Variants in CCSER2 observed in about 807,000 individuals in gnomAD.
The protein encoded by CCSER2 is serine-rich coiled-coil domain-containing protein 2.
In CCSER2, 46 loss-of-function variants were observed where a neutral mutation model predicts 92.3. That is an observed-to-expected ratio of 0.50 (90% confidence interval 0.39 to 0.64). The LOEUF (loss-of-function observed/expected upper bound fraction) is 0.64, where lower values mean the gene tolerates loss of function less well. CCSER2 is among the 30% of genes least tolerant of loss of function. CCSER2 has a pLI of 0.00. For missense variants in CCSER2, 1,244 were observed against 1,238.9 expected, an observed-to-expected ratio of 1.00 and a Z score of -0.06; for synonymous variants, 433 against 431.4, an observed-to-expected ratio of 1.00 and a Z score of -0.04.
intron 8 of CCSER2, 115 bp from the exon 9 acceptor site, chr10:84,477,460 A>G (rs965617238): frequency 5.8e-6 from 3 of 513,014 alleles, no homozygotes; most frequent in Non-Finnish European, 1.0e-5. Context: ...TTTATAGGTA[A>G]TTTAGTTTTG....
chr10:84,449,435 A>G (rs1166054205), intron 6 of CCSER2, among the ~76,000 whole-genome samples: 1 of 152,172 alleles, frequency 6.6e-6, no homozygotes, highest in Non-Finnish European at 1.5e-5. Flanking sequence ...AAATTTTCCT[A>G]CTTGTACGAT....
chr10:84,466,705 G>C (rs1435312431), intron 7 of CCSER2, among the ~76,000 whole-genome samples: 3 of 151,568 alleles, frequency 2.0e-5, no homozygotes, highest in Non-Finnish European at 4.4e-5. Context: ...AGTAGGGACG[G>C]GGTTTCACCG....
At chr10:84,466,506 T>C (rs1403536909) in intron 7 of CCSER2, among the ~76,000 whole-genome samples, 1 of 149,422 alleles carries the variant, frequency 6.7e-6, no homozygotes, top group East Asian at 1.9e-4. Flanking sequence ...TTTGTTTTTT[T>C]GGTTTTTTTT....
In CCSER2 at chr10:84,423,210, C is replaced by T. The variant is rs185745554; in HGVS notation, c.1706-2521C>T. On this transcript the variant is annotated intron_variant, in intron 4 of 9. Coordinates refer to ENST00000372088, the MANE Select transcript of CCSER2 (RefSeq NM_001284240.2). ...CAGCAGTGTTATTCCACATTATCTT[C>T]TTAACAGCGTTTAAAAATATATAAA... Among the ~76,000 whole-genome samples, 16 of 152,292 alleles carry T rather than the reference C, an allele frequency of 1.1e-4. No homozygotes were observed. The East Asian group carries it at 3.1e-3, about 29-fold the overall frequency.
intron 9 of CCSER2, among the ~76,000 whole-genome samples, chr10:84,484,303 G>A (rs1564712098): frequency 6.6e-6 from 1 of 151,636 alleles, no homozygotes; most frequent in Non-Finnish European, 1.5e-5. Flanking sequence ...AGTAGAGATG[G>A]GGTTTCACCA....
chr10:84,430,099 C>A (rs889315885), intron 5 of CCSER2, among the ~76,000 whole-genome samples: 3 of 152,164 alleles, frequency 2.0e-5, no homozygotes, highest in Middle Eastern at 6.8e-3. Context: ...AGTCTCCCAG[C>A]CTCCACCAGG....
chr10:84,336,385 C>T (rs979627566), intron 1 of CCSER2, among the ~76,000 whole-genome samples: 1 of 152,130 alleles, frequency 6.6e-6, no homozygotes, highest in African/African-American at 2.4e-5. Flanking sequence ...TATTACATTG[C>T]TGTGGAGAAA....
At position 84,465,715 on chromosome 10, in the gene CCSER2, A is replaced by G. The variant is rs184845014; in HGVS notation, c.2148+1699A>G. ...CTTTTCCAGTGTTCCTTTCTAGTTCATCTAAATATTTAATGCTATATGATA... is the reference window on the plus strand; with the variant it reads ...CTTTTCCAGTGTTCCTTTCTAGTTCGTCTAAATATTTAATGCTATATGATA... On this transcript the variant is annotated intron_variant, in intron 7 of 9. Transcript: ENST00000372088. Among the ~76,000 whole-genome samples the G allele has an allele frequency of 9.9e-4, 150 of 152,064 alleles. 1 individual carries two copies. The East Asian group carries it at 0.021, about 21-fold the overall frequency.
chr10:84,378,496 G>A (rs191083056), intron 3 of CCSER2, among the ~76,000 whole-genome samples: 13 of 148,564 alleles, frequency 8.8e-5, no homozygotes, highest in African/African-American at 2.7e-4. Context: ...GTGCGATGGC[G>A]CAATCTTGGC....
intron 4 of CCSER2, among the ~76,000 whole-genome samples, chr10:84,418,376 G>A (rs913112429): frequency 1.3e-5 from 2 of 152,148 alleles, no homozygotes; most frequent in Non-Finnish European, 2.9e-5. Context: ...TAATCCATAT[G>A]GGAGAGGGGC....
chr10:84,515,342 C>T lies in CCSER2; in HGVS notation c.*1075C>T, dbSNP rs1564742817. 6.6e-6 allele frequency: 1 copy of T among 152,486 alleles called. No homozygotes were observed. Among genetic ancestry groups the T allele is most frequent in the Non-Finnish European group, 1.5e-5 (1 of 68,000 alleles). The allele number at this position is 152,486 out of a possible 1,614,324, so 9.4% of individuals were successfully genotyped here. On this transcript the variant is annotated 3_prime_UTR_variant, in exon 10 of 10. Coordinates refer to ENST00000372088, the MANE Select transcript of CCSER2 (RefSeq NM_001284240.2). ...AGTTAAAATATTTTGAGAAAAATAA[C>T]AAATTTAAATAAGACTATCTTGAGA...
chr10:84,501,398 TG>T (rs937289261), intron 9 of CCSER2, among the ~76,000 whole-genome samples: 1 of 152,186 alleles, frequency 6.6e-6, no homozygotes, highest in Non-Finnish European at 1.5e-5. Context: ...CCTTTTAGCC[TG>T]TATCCTTTTT....
At chr10:84,478,138 A>G (rs1160168377) in intron 9 of CCSER2, among the ~76,000 whole-genome samples, 1 of 152,226 alleles carries the variant, frequency 6.6e-6, no homozygotes, top group Non-Finnish European at 1.5e-5. Flanking sequence ...ACAGACAATA[A>G]AAGTTATGTT....
At position 84,438,708 on chromosome 10, in the gene CCSER2, G is replaced by A; in HGVS notation, c.2064+1G>A. 1 of 1,579,252 alleles carries A rather than the reference G, an allele frequency of 6.3e-7. No homozygotes were observed. Among genetic ancestry groups the A allele is most frequent in the South Asian group, 1.2e-5 (1 of 86,520 alleles). The stretch of plus-strand genomic sequence containing the variant: ...CAAACTGAAACGTCTCCTGCATCAG[G>A]TGAGTACATAATGAACATTTCCAGC... On this transcript the variant is annotated splice_donor_variant, in intron 6 of 9. Coordinates refer to ENST00000372088, the MANE Select transcript of CCSER2 (RefSeq NM_001284240.2). LOFTEE classifies it high-confidence loss of function.
chr10:84,497,725 A>C (rs903884234), intron 9 of CCSER2, among the ~76,000 whole-genome samples: 2 of 152,224 alleles, frequency 1.3e-5, no homozygotes, highest in Non-Finnish European at 2.9e-5. Flanking sequence ...CTGCGAACTT[A>C]TAGGTACTGT....
At chr10:84,374,510 G>T (rs1846229709) in intron 3 of CCSER2, among the ~76,000 whole-genome samples, 1 of 152,084 alleles carries the variant, frequency 6.6e-6, no homozygotes, top group South Asian at 2.1e-4. Flanking sequence ...ATAATTACTT[G>T]CATTGGCCTG....
At chr10:84,380,580 C>T (rs1239449251) in intron 3 of CCSER2, among the ~76,000 whole-genome samples, 1 of 151,936 alleles carries the variant, frequency 6.6e-6, no homozygotes, top group Non-Finnish European at 1.5e-5. Flanking sequence ...ATTTTGTTTA[C>T]AGAGAGATGT....
At chr10:84,499,856 C>G (rs779644240) in intron 9 of CCSER2, 1 of 1,613,090 alleles carries the variant, frequency 6.2e-7, no homozygotes, top group African/African-American at 1.3e-5. Context: ...ACCTCCCTAC[C>G]CCATCTCTCT....
At chr10:84,427,767 A>G (rs1843518034) in intron 5 of CCSER2, among the ~76,000 whole-genome samples, 1 of 152,166 alleles carries the variant, frequency 6.6e-6, no homozygotes, top group Non-Finnish European at 1.5e-5. Flanking sequence ...ATATCCTAGC[A>G]AACTCACATT....
Sources: gnomAD v4.1 joint callset for allele counts (sites outside exome capture counted in the v4.1 genomes callset) on GRCh38, gnomAD v4.1.1 for gene constraint, MANE v1.5 for transcripts, NCBI Gene and HGNC (gene_info 2026-07-23, HGNC 2026-07-21) for gene names.